USP10: variants seen among roughly 807,000 people sequenced by gnomAD.
USP10 encodes the protein ubiquitin specific peptidase 10.
In USP10, 22 loss-of-function variants were observed where a neutral mutation model predicts 84.5. That is an observed-to-expected ratio of 0.26 (90% CI 0.19 to 0.37). The LOEUF is 0.37. Ranked by LOEUF, USP10 falls within the 10% of genes least tolerant of loss-of-function variation. The pLI, the probability that USP10 is intolerant of heterozygous loss-of-function variation, is 1.00. For missense variants in USP10, 1,019 were observed against 998.9 expected (o/e 1.02, Z -0.27); for synonymous variants, 454 against 387.6 (o/e 1.17, Z -2.01).
At chr16:84,748,593 C>G (rs577749141) in intron 4 of USP10, among the ~76,000 whole-genome samples, 2 of 152,112 alleles carry the variant, frequency 1.3e-5, no homozygotes, top group South Asian at 4.1e-4. Context: ...CGTGAGCCAC[C>G]GCGCCCAGCT....
At chr16:84,733,624 T>G (rs1028194049) in intron 2 of USP10, 121 bp downstream of exon 2, 5 of 659,212 alleles carry the variant, frequency 7.6e-6, no homozygotes, top group South Asian at 2.5e-5. Flanking sequence ...GAGACTAATA[T>G]GAGAAATGCC....
intron 4 of USP10, among the ~76,000 whole-genome samples, chr16:84,751,593 A>ATC (rs1304924051): frequency 6.6e-6 from 1 of 152,186 alleles, no homozygotes; most frequent in Non-Finnish European, 1.5e-5. Context: ...ACATAAGTTG[A>ATC]TCTGTAGTCA....
chr16:84,716,748 G>C (rs1907068535), intron 1 of USP10, among the ~76,000 whole-genome samples: 1 of 152,194 alleles, frequency 6.6e-6, no homozygotes, highest in Admixed American at 6.5e-5. Context: ...GGTAGGCAGA[G>C]ACGCCCATTA....
At chr16:84,764,291 A>G (rs762105904) in intron 10 of USP10, 28 bp downstream of exon 10, 1 of 1,613,688 alleles carries the variant, frequency 6.2e-7, no homozygotes, top group Admixed American at 1.7e-5. Context: ...ATAACTTAAT[A>G]TTTGCCTTTT....
At chr16:84,767,157 C>T (rs192738114) in intron 10 of USP10, among the ~76,000 whole-genome samples, 6 of 152,216 alleles carry the variant, frequency 3.9e-5, no homozygotes, top group African/African-American at 1.4e-4. Context: ...GCGAGCTCTT[C>T]ACCGCATCTG....
In USP10 at chr16:84,778,977, C is replaced by T. The variant is rs376553590; in HGVS notation, c.2292C>T (p.Arg764=). The T allele has an allele frequency of 1.3e-4, 210 of 1,613,928 alleles. No homozygotes were observed. The highest frequency in any genetic ancestry group is 2.2e-4 in the Admixed American group (13 of 60,010). ...AGATCGGTCTGAATGGCTGGCTGCG[C>T]ATCGATGACCAGACAGTCAAGGTGA... is the stretch of plus-strand genomic sequence containing the variant. ...VFQIGLNGWL[R]IDDQTVKVIN... Residue 764 remains arginine, a synonymous_variant, in exon 14 of 14, where the codon CGC becomes CGT. Coordinates refer to ENST00000219473, the MANE Select transcript of USP10 (RefSeq NM_005153.3).
At chr16:84,748,521 C>G (rs1911520888) in intron 4 of USP10, among the ~76,000 whole-genome samples, 1 of 152,058 alleles carries the variant, frequency 6.6e-6, no homozygotes, top group Non-Finnish European at 1.5e-5. Flanking sequence ...CCAGGCTGGT[C>G]TTGAGCTCCT....
chr16:84,775,710 G>T (rs934502638), intron 13 of USP10, among the ~76,000 whole-genome samples: 1 of 152,202 alleles, frequency 6.6e-6, no homozygotes, highest in Non-Finnish European at 1.5e-5. Flanking sequence ...CAGGCCCTCA[G>T]TCAGTCATGA....
At position 84,745,406 on chromosome 16, in the gene USP10, A is replaced by G. The variant is rs1597353646; in HGVS notation, c.925A>G (p.Ser309Gly). 5.6e-6 allele frequency: 9 copies of G among 1,613,718 alleles called. No individual in the cohort carries two copies. The East Asian group carries it at 2.0e-4, about 36-fold the overall frequency. The stretch of plus-strand genomic sequence containing the variant: ...CGGGGTGGAGTTGCACACCACGGAA[A>G]GCATAGACTTGGACCCAACCAAACC... ...TNGVELHTTE[S>G]IDLDPTKPES... Residue 309 changes from serine to glycine, a missense_variant, in exon 4 of 14, where the codon AGC (serine) becomes GGC (glycine). Ser to Gly is a moderately conservative substitution (Grantham distance 56). Transcript: ENST00000219473.
chr16:84,775,292 A>G lies in USP10; in HGVS notation c.2209+67A>G, dbSNP rs999574087. 24 of 1,535,228 alleles carry G rather than the reference A, an allele frequency of 1.6e-5. No homozygotes were observed. The Admixed American group carries it at 3.7e-4, about 24-fold the overall frequency. On this transcript the variant is annotated intron_variant, in intron 13 of 13. Transcript: ENST00000219473. ...GATGAAGGGGTTTACAGCTGGGCAC[A>G]GGTTTGCTGCAACTTAGCATAGCGA...
chr16:84,704,592 T>G, intron 1 of USP10: 2 of 1,010,976 alleles, frequency 2.0e-6, no homozygotes, highest in Non-Finnish European at 2.7e-6. Flanking sequence ...GATGAAGAAT[T>G]AGTGTAGGAA....
rs1220109743 is a variant in USP10, at chr16:84,744,087, CT to C, written c.152-536del. ...TTGTTGTTGAATCTTTTTTTGACAT[CT>C]TTTTTTTTTGTTTTTAAATTTATAC... On this transcript the variant is annotated intron_variant, in intron 3 of 13. Transcript: ENST00000219473. 6.2e-3 allele frequency among the ~76,000 whole-genome samples: 914 copies of C among 147,510 alleles called. 4 individuals are homozygous for C. The highest frequency in any genetic ancestry group is 9.5e-3 in the Admixed American group (140 of 14,744).
intron 13 of USP10, among the ~76,000 whole-genome samples, chr16:84,777,166 G>T (rs1041774835): frequency 6.6e-6 from 1 of 152,226 alleles, no homozygotes; most frequent in South Asian, 2.1e-4. Flanking sequence ...TTTTCAGGCG[G>T]TTCTCAGCGC....
intron 1 of USP10, among the ~76,000 whole-genome samples, chr16:84,726,553 G>A (rs1009065320): frequency 2.0e-5 from 3 of 152,250 alleles, no homozygotes; most frequent in Non-Finnish European, 4.4e-5. Flanking sequence ...CTTCAGGGAG[G>A]AAGGTGTCTT....
At chr16:84,753,476 G>A (rs1009166662) in intron 4 of USP10, among the ~76,000 whole-genome samples, 1 of 152,150 alleles carries the variant, frequency 6.6e-6, no homozygotes, top group Non-Finnish European at 1.5e-5. Flanking sequence ...CCGTCATGCC[G>A]GGAGTGGTCT....
chr16:84,748,693 C>G (rs1341782825), intron 4 of USP10, among the ~76,000 whole-genome samples: 1 of 152,116 alleles, frequency 6.6e-6, no homozygotes, highest in African/African-American at 2.4e-5. Context: ...TTAAAATAAC[C>G]AAGAAAAGCT....
chr16:84,716,885 T>G (rs1907091526), intron 1 of USP10, among the ~76,000 whole-genome samples: 1 of 152,220 alleles, frequency 6.6e-6, no homozygotes, highest in Non-Finnish European at 1.5e-5. Context: ...CTCTGAGATA[T>G]GCCTCTAATT....
intron 1 of USP10, among the ~76,000 whole-genome samples, chr16:84,724,289 T>TC (rs1908177428): frequency 6.6e-6 from 1 of 152,192 alleles, no homozygotes; most frequent in African/African-American, 2.4e-5. Context: ...ATTTGGAGAT[T>TC]CAATCTGAAT....
rs1908573922 is a variant in USP10 at position 84,726,984 on chromosome 16, A to G, written c.22-6451A>G. Among the ~76,000 whole-genome samples, 4 of 152,212 alleles carry G rather than the reference A, an allele frequency of 2.6e-5. No homozygotes were observed. In the South Asian group the frequency reaches 8.3e-4, roughly 32 times the overall value. ...TTAGGGGGCTTCCCAGTCTTTCCTGATGGTATTTGGTGTAGCTGTGGGAAG... is the reference window on the plus strand; with the variant it reads ...TTAGGGGGCTTCCCAGTCTTTCCTGGTGGTATTTGGTGTAGCTGTGGGAAG... On this transcript the variant is annotated intron_variant, in intron 1 of 13. Transcript: ENST00000219473.
Sources: allele counts gnomAD v4.1 joint callset (sites outside exome capture counted in the v4.1 genomes callset), GRCh38; gene constraint gnomAD v4.1.1; transcripts MANE v1.5; gene names NCBI Gene and HGNC (gene_info 2026-07-23, HGNC 2026-07-21).